The following TMEM233 variants were observed in gnomAD, a reference collection of about 807,000 sequenced individuals.
TMEM233 encodes the protein dispanin subfamily B member 2.
A neutral mutation model predicts 11.2 loss-of-function variants in TMEM233; 6 were observed. That is an observed-to-expected ratio of 0.54 (90% CI 0.29 to 1.06). The LOEUF (loss-of-function observed/expected upper bound fraction) is 1.06. Among genes scored for constraint, TMEM233 ranks in the 50% least tolerant of loss-of-function variants. TMEM233 has a pLI of 0.08. For missense variants in TMEM233, 127 were observed against 144.7 expected (o/e 0.88, Z 0.63); for synonymous variants, 59 against 55.8 (o/e 1.06, Z -0.26).
At chr12:119,635,928 G>A (rs1023244097) in intron 2 of TMEM233, among the ~76,000 whole-genome samples, 1 of 152,184 alleles carries the variant, frequency 6.6e-6, no homozygotes, top group African/African-American at 2.4e-5. Flanking sequence ...GTGTTTCCAT[G>A]TGTGCCACCT....
intron 1 of TMEM233, among the ~76,000 whole-genome samples, chr12:119,621,871 C>A (rs1650817957): frequency 6.6e-6 from 1 of 152,134 alleles, no homozygotes; most frequent in Non-Finnish European, 1.5e-5. Context: ...AAGCAAAACA[C>A]AAGTATTTAA....
At chr12:119,627,657 C>T (rs1415513566) in intron 1 of TMEM233, among the ~76,000 whole-genome samples, 3 of 152,182 alleles carry the variant, frequency 2.0e-5, no homozygotes. Context: ...TGCCCCCTGA[C>T]CACAACATCT....
At chr12:119,615,445 T>C (rs116558358) in intron 1 of TMEM233, among the ~76,000 whole-genome samples, 1,639 of 152,144 alleles carry the variant, frequency 0.011, 32 homozygotes, top group African/African-American at 0.037. Flanking sequence ...TGAAAAACTT[T>C]CAAAAAAAAA....
chr12:119,649,089 G>C, the TMEM233 span, among the ~76,000 whole-genome samples: 1 of 152,152 alleles, frequency 6.6e-6, no homozygotes, highest in African/African-American at 2.4e-5. Flanking sequence ...CCTGAGGTCA[G>C]AACTTCGAGA....
At chr12:119,599,789 C>G (rs1220409645) in intron 1 of TMEM233, among the ~76,000 whole-genome samples, 1 of 152,116 alleles carries the variant, frequency 6.6e-6, no homozygotes, top group Admixed American at 6.6e-5. Context: ...AGCCAGGCCC[C>G]CACTTCCTCA....
chr12:119,648,188 C>G, the TMEM233 span, among the ~76,000 whole-genome samples: 1 of 152,146 alleles, frequency 6.6e-6, no homozygotes, highest in Non-Finnish European at 1.5e-5. Context: ...TGCTATTACA[C>G]CACCCTGTTT....
chr12:119,603,157 G>C (rs1005489912), intron 1 of TMEM233, among the ~76,000 whole-genome samples: 1 of 152,122 alleles, frequency 6.6e-6, no homozygotes, highest in Admixed American at 6.5e-5. Context: ...TGTAATCCAA[G>C]CTACCCAAAA....
downstream of TMEM233, among the ~76,000 whole-genome samples, chr12:119,643,928 G>C (rs1213425277): frequency 6.6e-6 from 1 of 152,132 alleles, no homozygotes; most frequent in African/African-American, 2.4e-5. Flanking sequence ...AGGGTTTTTG[G>C]GAACGTGTCC....
intron 1 of TMEM233, among the ~76,000 whole-genome samples, chr12:119,612,914 AAAAAAT>A (rs1307288943): frequency 6.6e-6 from 1 of 152,100 alleles, no homozygotes; most frequent in Admixed American, 6.6e-5. Context: ...GACCCTGTCA[AAAAAAT>A]AAAAATAAAA....
chr12:119,640,907 G>C lies in TMEM233; in HGVS notation c.*202G>C, dbSNP rs961144918. On this transcript the variant is annotated 3_prime_UTR_variant, in exon 3 of 3. Transcript: ENST00000426426. Reference sequence around the variant, plus strand: ...TTTAGGCAATCCAAGCTGCACAGCCGGATCAGCCAAAGTCATTGATTTGTA... The same window carrying C: ...TTTAGGCAATCCAAGCTGCACAGCCCGATCAGCCAAAGTCATTGATTTGTA... 16 of 517,242 alleles carry C rather than the reference G, an allele frequency of 3.1e-5. No homozygotes were observed. Among genetic ancestry groups the C allele is most frequent in the African/African-American group, 2.3e-4 (12 of 51,696 alleles). The allele number at this position is 517,242 out of a possible 1,614,324, so 32.0% of individuals were successfully genotyped here.
At chr12:119,624,016 T>C (rs1474199715) in intron 1 of TMEM233, among the ~76,000 whole-genome samples, 1 of 152,068 alleles carries the variant, frequency 6.6e-6, no homozygotes, top group Non-Finnish European at 1.5e-5. Flanking sequence ...TTAAGGATAG[T>C]TACATAGACC....
At chr12:119,634,193 G>T in intron 2 of TMEM233, 1 of 975,638 alleles carries the variant, frequency 1.0e-6, no homozygotes, top group South Asian at 4.7e-5. Flanking sequence ...TACCCACAGG[G>T]AGCCTCCTTT....
In TMEM233 at chr12:119,641,127, A is replaced by G. The variant is rs1214836882; in HGVS notation, c.*422A>G. On this transcript the variant is annotated 3_prime_UTR_variant, in exon 3 of 3. Coordinates refer to ENST00000426426, the MANE Select transcript of TMEM233 (RefSeq NM_001136534.3). The stretch of plus-strand genomic sequence containing the variant: ...AGAGCAGCAGGTGCTGGTATTTACA[A>G]TGTTGAGCACAAACATTTGCAGCAT... The G allele has an allele frequency of 5.7e-6, 1 of 174,776 alleles. No individual in the cohort carries two copies. The highest frequency in any genetic ancestry group is 2.4e-5 in the African/African-American group (1 of 42,296). 10.8% of individuals were successfully genotyped at this position (174,776 alleles called of 1,614,324 possible).
At chr12:119,618,951 TGTCCTCACCCAA>T (rs770791059) in intron 1 of TMEM233, among the ~76,000 whole-genome samples, 2,512 of 152,280 alleles carry the variant, frequency 0.016, 64 homozygotes, top group African/African-American at 0.056. Context: ...GGTTTGGCAG[TGTCCTCACCCAA>T]ATCTCATCTT....
At chr12:119,645,621 A>G (rs547492371), downstream of TMEM233, among the ~76,000 whole-genome samples, 17 of 152,296 alleles carry the variant, frequency 1.1e-4, 1 homozygote, top group Admixed American at 5.2e-4. Context: ...AGGAGAGGGA[A>G]GTATGAAGTT....
At chr12:119,612,467 G>A (rs1331320144) in intron 1 of TMEM233, among the ~76,000 whole-genome samples, 2 of 152,146 alleles carry the variant, frequency 1.3e-5, no homozygotes, top group East Asian at 3.9e-4. Context: ...ACAAAAAATT[G>A]GCTGGGCGAA....
intron 1 of TMEM233, among the ~76,000 whole-genome samples, chr12:119,600,294 A>T (rs2136675047): frequency 6.6e-6 from 1 of 151,986 alleles, no homozygotes; most frequent in South Asian, 2.1e-4. Flanking sequence ...AAGAAACTAT[A>T]TTCTGTCCAC....
chr12:119,605,056 C>G (rs1954244724), intron 1 of TMEM233, among the ~76,000 whole-genome samples: 1 of 149,976 alleles, frequency 6.7e-6, no homozygotes, highest in African/African-American at 2.5e-5. Flanking sequence ...TTTCCTTTAC[C>G]CTTTGTATCA....
chr12:119,603,198 G>A (rs1339680121), intron 1 of TMEM233, among the ~76,000 whole-genome samples: 1 of 151,822 alleles, frequency 6.6e-6, no homozygotes, highest in Non-Finnish European at 1.5e-5. Context: ...TTGAGCCCAG[G>A]AGGCAGAGGT....
Sources: allele counts gnomAD v4.1 joint callset (sites outside exome capture counted in the v4.1 genomes callset), GRCh38; gene constraint gnomAD v4.1.1; transcripts MANE v1.5; gene names NCBI Gene and HGNC (gene_info 2026-07-23, HGNC 2026-07-21).